TRPC7: variants seen among roughly 807,000 people sequenced by gnomAD.
The protein encoded by TRPC7 is transient receptor potential cation channel subfamily C member 7, also known as short transient receptor potential channel 7.
A neutral mutation model predicts 90.1 loss-of-function variants in TRPC7; 42 were observed. That is an observed-to-expected ratio of 0.47 (90% CI 0.36 to 0.60). The LOEUF is 0.60. TRPC7 is among the 20% of genes least tolerant of loss of function. The pLI is 0.00. For missense variants in TRPC7, 955 were observed against 1,112.3 expected, an observed-to-expected ratio of 0.86 and a Z score of 2.01; for synonymous variants, 451 against 436.3, an observed-to-expected ratio of 1.03 and a Z score of -0.42.
intron 1 of TRPC7, among the ~76,000 whole-genome samples, chr5:136,357,667 G>A (rs1214990996): frequency 6.6e-6 from 1 of 152,190 alleles, no homozygotes; most frequent in Non-Finnish European, 1.5e-5. Flanking sequence ...ACCCTAATAA[G>A]AGATGGAGGC....
At chr5:136,338,614 A>G (rs1759742821) in intron 2 of TRPC7, among the ~76,000 whole-genome samples, 1 of 152,152 alleles carries the variant, frequency 6.6e-6, no homozygotes, top group African/African-American at 2.4e-5. Flanking sequence ...TATGTCAGAT[A>G]CTCATCACCT....
In TRPC7 at chr5:136,334,267, T is replaced by G. The variant is rs371592724; in HGVS notation, c.781-18488A>C. Among the ~76,000 whole-genome samples, 10 of 152,340 alleles carry G rather than the reference T, an allele frequency of 6.6e-5. No individual in the cohort carries two copies. In the South Asian group the frequency reaches 1.0e-3, roughly 16 times the overall value. On this transcript the variant is annotated intron_variant, in intron 2 of 11. Transcript: ENST00000513104. ...GCATGAGACTCATTTAAAAGAGTAATTAAAGAGCACCATATGTATAGAAGT... is the reference window on the plus strand; with the variant it reads ...GCATGAGACTCATTTAAAAGAGTAAGTAAAGAGCACCATATGTATAGAAGT...
intron 3 of TRPC7, among the ~76,000 whole-genome samples, chr5:136,286,197 C>T (rs1350178623): frequency 2.0e-5 from 3 of 152,208 alleles, no homozygotes; most frequent in Non-Finnish European, 2.9e-5. Flanking sequence ...TCTCACTCCT[C>T]TCTCCTCCTG....
At chr5:136,324,443 T>C (rs1580956048) in intron 2 of TRPC7, among the ~76,000 whole-genome samples, 2 of 152,326 alleles carry the variant, frequency 1.3e-5, no homozygotes, top group East Asian at 3.9e-4. Flanking sequence ...AGCAGTTTTG[T>C]AGCATATTCA....
At position 136,300,919 on chromosome 5, in the gene TRPC7, A is replaced by G. The variant is rs183134952; in HGVS notation, c.963+14678T>C. Among the ~76,000 whole-genome samples the G allele has an allele frequency of 2.4e-3, 360 of 152,354 alleles. 3 individuals are homozygous for G. Among genetic ancestry groups the G allele is most frequent in the East Asian group, 4.4e-3 (23 of 5,188 alleles). On this transcript the variant is annotated intron_variant, in intron 3 of 11. Transcript: ENST00000513104. ...TAGATGAACCAAGAGTCCACCATCC[A>G]AGAGCTTCATCTCTTCAAAATGTAG...
In TRPC7 at chr5:136,247,501, C is replaced by T. The variant is rs760900591; in HGVS notation, c.1814G>A (p.Arg605Gln). ...IGMFNLYSYY[R>Q]GAKYNPAFTT... ...AAACGCTGGGTTGTATTTGGCACCT[C>T]GGTAGTAAGAGTACAGGTTGAACAT... is the stretch of plus-strand genomic sequence containing the variant. Residue 605 changes from arginine (R) to glutamine (Q), a missense_variant, in exon 7 of 12, where the codon CGA (arginine) becomes CAA (glutamine). This residue lies in a region of TRPC7 where 296 missense variants were observed against 422.7 expected (regional missense o/e 0.70). Transcript: ENST00000513104. The surrounding 1 kb of genome is among the most constrained non-coding windows in gnomAD (Gnocchi z 4.2). The T allele has an allele frequency of 4.8e-5, 78 of 1,613,626 alleles. No homozygotes were observed. Among genetic ancestry groups the T allele is most frequent in the African/African-American group, 6.7e-5 (5 of 75,006 alleles).
At chr5:136,219,664 G>T (rs1755388660) in intron 10 of TRPC7, among the ~76,000 whole-genome samples, 1 of 152,204 alleles carries the variant, frequency 6.6e-6, no homozygotes, top group Non-Finnish European at 1.5e-5. Flanking sequence ...TACCTGGCAG[G>T]TTGAGGCAGG....
rs144360761 is a variant in TRPC7 at position 136,266,334 on chromosome 5, C to T, written c.1231G>A (p.Glu411Lys). 63 of 1,613,872 alleles carry T rather than the reference C, an allele frequency of 3.9e-5. 1 individual carries two copies. In the East Asian group the frequency reaches 1.4e-3, roughly 36 times the overall value. Residue 411 changes from glutamate to lysine, a missense_variant, in exon 5 of 12, where the codon GAA becomes AAA. By Grantham distance (56) the Glu-to-Lys change is moderately conservative. This residue lies in a region of TRPC7 where 484 missense variants were observed against 509.6 expected (regional missense o/e 0.95). Transcript: ENST00000513104. ...LLVVNASDRF[E>K]GVKTLPNETF... is the part of the protein sequence containing the mutation. Reference sequence around the variant, plus strand: ...TCGTTTGGCAGGGTTTTAACACCTTCAAATCGGTCAGATGCATTCACAACT... The same window carrying T: ...TCGTTTGGCAGGGTTTTAACACCTTTAAATCGGTCAGATGCATTCACAACT...
intron 3 of TRPC7, among the ~76,000 whole-genome samples, chr5:136,281,152 A>C (rs1467177265): frequency 6.6e-6 from 1 of 152,200 alleles, no homozygotes; most frequent in East Asian, 1.9e-4. Context: ...TAGAACTCTT[A>C]TCTCTCTCTG....
chr5:136,244,143 C>CTCCCCTCCCT (rs2149802486), intron 7 of TRPC7, among the ~76,000 whole-genome samples: 1 of 151,984 alleles, frequency 6.6e-6, no homozygotes, highest in East Asian at 1.9e-4. Flanking sequence ...TCGCCCTCCC[C>CTCCCCTCCCT]TCCCCTCCCT....
In TRPC7 at chr5:136,247,470, C is replaced by T. The variant is rs1262288522; in HGVS notation, c.1844+1G>A. The T allele has an allele frequency of 7.5e-6, 12 of 1,607,498 alleles. No individual in the cohort carries two copies. The highest frequency in any genetic ancestry group is 6.7e-5 in the South Asian group (6 of 90,046). ...TCAGGGGAAAGCTCTCAGATACTCACGTTGTAAACGCTGGGTTGTATTTGG... is the reference window on the plus strand; with the variant it reads ...TCAGGGGAAAGCTCTCAGATACTCATGTTGTAAACGCTGGGTTGTATTTGG... On this transcript the variant is annotated splice_donor_variant, in intron 7 of 11. Coordinates refer to ENST00000513104, the MANE Select transcript of TRPC7 (RefSeq NM_020389.3). LOFTEE classifies it high-confidence loss of function. The surrounding 1 kb of genome is among the most constrained non-coding windows in gnomAD (Gnocchi z 4.2).
At chr5:136,345,438 G>A (rs895877939) in intron 2 of TRPC7, among the ~76,000 whole-genome samples, 1 of 152,106 alleles carries the variant, frequency 6.6e-6, no homozygotes, top group Non-Finnish European at 1.5e-5. Context: ...GCAGGCGCCT[G>A]TAATCCTAGC....
At chr5:136,310,306 A>C (rs1202660406) in intron 3 of TRPC7, among the ~76,000 whole-genome samples, 1 of 151,160 alleles carries the variant, frequency 6.6e-6, no homozygotes, top group Non-Finnish European at 1.5e-5. Flanking sequence ...CTTTTCAGTG[A>C]GTGAATGAAT....
At chr5:136,267,600 C>G (rs953815671) in intron 4 of TRPC7, among the ~76,000 whole-genome samples, 3 of 152,186 alleles carry the variant, frequency 2.0e-5, no homozygotes, top group Non-Finnish European at 4.4e-5. Context: ...ATGTTCAGCA[C>G]AACATTTATA....
rs769579477 is a variant in TRPC7, at chr5:136,357,320, C to A, written c.68G>T (p.Arg23Leu). ...RHTTLREKGR[R>L]QAIRGPAYMF... The stretch of plus-strand genomic sequence containing the variant: ...GTAGGCGGGACCCCGGATGGCCTGG[C>A]GACGGCCCTTCTCCCTCAGCGTTGT... The change falls in exon 2 of 12, where the codon CGC becomes CTC. Residue 23 changes from arginine to leucine, a missense_variant. Arg to Leu is a moderately radical substitution (Grantham distance 102, BLOSUM62 -2). This residue lies in a region of TRPC7 where 161 missense variants were observed against 145.7 expected (regional missense o/e 1.10). Transcript: ENST00000513104. 2.5e-6 allele frequency: 4 copies of A among 1,607,858 alleles called. No homozygotes were observed. The Admixed American group carries it at 6.7e-5, about 27-fold the overall frequency.
chr5:136,233,210 CT>C, intron 7 of TRPC7, among the ~76,000 whole-genome samples: 2 of 152,298 alleles, frequency 1.3e-5, no homozygotes, highest in South Asian at 4.1e-4. Context: ...TTTTTAGTTT[CT>C]TTTAAAACTG....
At chr5:136,278,945 T>C (rs1186605000) in intron 3 of TRPC7, among the ~76,000 whole-genome samples, 2 of 152,070 alleles carry the variant, frequency 1.3e-5, no homozygotes, top group African/African-American at 4.8e-5. Context: ...CCCAGCTAAC[T>C]CTGGAATGCT....
intron 5 of TRPC7, among the ~76,000 whole-genome samples, chr5:136,256,658 C>G (rs1395747430): frequency 6.6e-6 from 1 of 152,220 alleles, no homozygotes; most frequent in Non-Finnish European, 1.5e-5. Context: ...GTCTTCAACT[C>G]TATTCTCTGA....
At chr5:136,218,951 A>C (rs961528945) in intron 10 of TRPC7, among the ~76,000 whole-genome samples, 1 of 152,206 alleles carries the variant, frequency 6.6e-6, no homozygotes, top group African/African-American at 2.4e-5. Flanking sequence ...ACACAGCTGG[A>C]AAGTGGCAGA....
Sources: gnomAD v4.1 joint callset for allele counts (sites outside exome capture counted in the v4.1 genomes callset) on GRCh38, gnomAD v4.1.1 for gene constraint, gnomAD v4.1.1 regional missense constraint, Gnocchi (gnomAD v3.1) non-coding constraint, MANE v1.5 for transcripts, NCBI Gene and HGNC (gene_info 2026-07-23, HGNC 2026-07-21) for gene names.